Variants in KLHL2 observed in about 807,000 individuals in gnomAD.
KLHL2 encodes kelch-like protein 2.
A neutral mutation model predicts 75.8 loss-of-function variants in KLHL2; 15 were observed. That is an observed-to-expected ratio of 0.20 (90% CI 0.13 to 0.30). KLHL2 has a LOEUF of 0.30. Among genes scored for constraint, KLHL2 ranks in the 10% least tolerant of loss-of-function variants. The probability of loss-of-function intolerance (pLI) is 1.00; values close to 1 mark genes in which losing one functional copy is unlikely to be tolerated. For missense variants in KLHL2, 381 were observed against 741.0 expected (o/e 0.51, Z 5.64); for synonymous variants, 214 against 251.9 (o/e 0.85, Z 1.42).
intron 12 of KLHL2, 111 bp from the exon 13 acceptor site, chr4:165,313,915 A>G (rs1746403889): frequency 1.8e-6 from 2 of 1,088,976 alleles, no homozygotes; most frequent in Non-Finnish European, 2.6e-6. Context: ...GCTTGCTTTT[A>G]TTATGAATTA....
chr4:165,283,778 C>A (rs575632497), intron 5 of KLHL2, among the ~76,000 whole-genome samples: 2 of 152,346 alleles, frequency 1.3e-5, no homozygotes, highest in African/African-American at 4.8e-5. Context: ...TCTGCACTGC[C>A]CTAGCAGAGG....
At chr4:165,297,097 T>C (rs1481563860) in intron 6 of KLHL2, among the ~76,000 whole-genome samples, 1 of 152,206 alleles carries the variant, frequency 6.6e-6, no homozygotes, top group Non-Finnish European at 1.5e-5. Context: ...TTAAGTGATA[T>C]ATTCATCAGT....
chr4:165,292,665 A>G (rs183532750), intron 5 of KLHL2, among the ~76,000 whole-genome samples: 1 of 152,136 alleles, frequency 6.6e-6, no homozygotes, highest in Non-Finnish European at 1.5e-5. Context: ...TTTTCATGAG[A>G]TTTATGAAAA....
intron 9 of KLHL2, among the ~76,000 whole-genome samples, chr4:165,310,021 C>T (rs1746027087): frequency 6.6e-6 from 1 of 152,098 alleles, no homozygotes; most frequent in Non-Finnish European, 1.5e-5. Context: ...TACTTTAGCC[C>T]ATGCCATTGC....
rs547552761 is a variant in KLHL2 at position 165,292,261 on chromosome 4, T to C, written c.545-2098T>C. Among the ~76,000 whole-genome samples the C allele has an allele frequency of 8.2e-4, 125 of 152,330 alleles. 1 individual carries two copies. Among genetic ancestry groups the C allele is most frequent in the African/African-American group, 2.9e-3 (119 of 41,574 alleles). ...AAACAATTGTGTGTCAAAAAACTTT[T>C]GAGTTTCAAAAAATTTTGTAAATAC... is the stretch of plus-strand genomic sequence containing the variant. On this transcript the variant is annotated intron_variant, in intron 5 of 14. Coordinates refer to ENST00000226725, the MANE Select transcript of KLHL2 (RefSeq NM_007246.4).
intron 9 of KLHL2, 143 bp from the exon 10 acceptor site, chr4:165,310,410 C>A: frequency 2.9e-6 from 2 of 692,080 alleles, no homozygotes; most frequent in Non-Finnish European, 5.2e-6. Flanking sequence ...AAATGAATAG[C>A]ATTTTCAAGG....
chr4:165,222,067 T>G (rs1738039746), intron 2 of KLHL2, among the ~76,000 whole-genome samples: 1 of 152,024 alleles, frequency 6.6e-6, no homozygotes, highest in Non-Finnish European at 1.5e-5. Context: ...TAGCCTTGGC[T>G]TTCTGCTGGT....
At chr4:165,237,079 T>A (rs1309112394) in intron 3 of KLHL2, among the ~76,000 whole-genome samples, 2 of 148,704 alleles carry the variant, frequency 1.3e-5, no homozygotes, top group African/African-American at 5.0e-5. Context: ...GCTCTGTAGG[T>A]GAATCAGTTA....
intron 6 of KLHL2, among the ~76,000 whole-genome samples, chr4:165,296,686 A>G (rs914446438): frequency 5.9e-5 from 9 of 152,192 alleles, no homozygotes; most frequent in Non-Finnish European, 1.3e-4. Context: ...ATATGGGATG[A>G]TAGAAGCAGG....
intron 4 of KLHL2, among the ~76,000 whole-genome samples, chr4:165,257,973 G>T (rs546596455): frequency 6.6e-6 from 1 of 152,138 alleles, no homozygotes; most frequent in South Asian, 2.1e-4. Flanking sequence ...AGAACACCAG[G>T]GTTCTCATGA....
rs995287935 is a variant in KLHL2, at chr4:165,279,729, A to G, written c.545-14630A>G. On this transcript the variant is annotated intron_variant, in intron 5 of 14. Transcript: ENST00000226725. ...AGGGGGAGGGGAGGGTGACGAGTCC[A>G]AAGAGCGAGGCCGCGCGAGTCCGCT... 4 of 1,099,386 alleles carry G rather than the reference A, an allele frequency of 3.6e-6. No individual in the cohort carries two copies. In the African/African-American group the frequency reaches 4.6e-5, roughly 13 times the overall value. The allele number at this position is 1,099,386 out of a possible 1,614,324, so 68.1% of individuals were successfully genotyped here.
rs112127119 is a variant in KLHL2, at chr4:165,209,031, A to G, written c.26+1129A>G. 1.2e-3 allele frequency among the ~76,000 whole-genome samples: 180 copies of G among 152,316 alleles called. 1 individual carries two copies. The Middle Eastern group carries it at 0.027, about 23-fold the overall frequency. ...ATGGGATTCTGGAACGACAGTTTCT[A>G]AAAGTGCGTTTCAGAATTTTTAGCT... On this transcript the variant is annotated intron_variant, in intron 1 of 14. Coordinates refer to ENST00000226725, the MANE Select transcript of KLHL2 (RefSeq NM_007246.4).
At chr4:165,212,372 G>A (rs1737248014) in intron 1 of KLHL2, among the ~76,000 whole-genome samples, 1 of 152,140 alleles carries the variant, frequency 6.6e-6, no homozygotes, top group African/African-American at 2.4e-5. Context: ...GCATTCCAGG[G>A]AGAGAGAATA....
At chr4:165,317,424 G>A (rs1007535129) in intron 13 of KLHL2, among the ~76,000 whole-genome samples, 14 of 151,124 alleles carry the variant, frequency 9.3e-5, no homozygotes, top group Non-Finnish European at 1.3e-4. Flanking sequence ...GAGCAGTGGT[G>A]TGGTCTTGGC....
At chr4:165,215,831 G>T (rs535925262) in intron 1 of KLHL2, among the ~76,000 whole-genome samples, 103 of 152,022 alleles carry the variant, frequency 6.8e-4, no homozygotes, top group African/African-American at 2.3e-3. Context: ...CATGACTTTT[G>T]TTATTATTAT....
intron 5 of KLHL2, among the ~76,000 whole-genome samples, chr4:165,267,305 C>T (rs1742316922): frequency 6.6e-6 from 1 of 152,190 alleles, no homozygotes; most frequent in African/African-American, 2.4e-5. Flanking sequence ...CCCTTTATTT[C>T]TGTCTCTTGC....
At chr4:165,219,266 C>T (rs1253028508) in intron 1 of KLHL2, among the ~76,000 whole-genome samples, 3 of 152,242 alleles carry the variant, frequency 2.0e-5, no homozygotes, top group Non-Finnish European at 4.4e-5. Flanking sequence ...TCTTACCCAG[C>T]CCTACCATTT....
chr4:165,253,816 C>T (rs1390008531), intron 4 of KLHL2, among the ~76,000 whole-genome samples: 1 of 152,216 alleles, frequency 6.6e-6, no homozygotes, highest in African/African-American at 2.4e-5. Context: ...TTCCTCATAA[C>T]ATATTTGTGA....
At chr4:165,211,952 G>A (rs1359834774) in intron 1 of KLHL2, among the ~76,000 whole-genome samples, 2 of 152,126 alleles carry the variant, frequency 1.3e-5, no homozygotes, top group East Asian at 3.9e-4. Context: ...CTCATCTATG[G>A]CTGTTACGGA....
Sources: allele counts gnomAD v4.1 joint callset (sites outside exome capture counted in the v4.1 genomes callset), GRCh38; gene constraint gnomAD v4.1.1; transcripts MANE v1.5; gene names NCBI Gene and HGNC (gene_info 2026-07-23, HGNC 2026-07-21).